NRXN3: variants seen among roughly 807,000 people sequenced by gnomAD.
NRXN3 encodes neurexin III.
In NRXN3, 32 loss-of-function variants were observed where a neutral mutation model predicts 137.6. That is an observed-to-expected ratio of 0.23 (90% CI 0.18 to 0.31). NRXN3 has a LOEUF of 0.31. Ranked by LOEUF, NRXN3 falls within the 10% of genes least tolerant of loss-of-function variation. The pLI, the probability that NRXN3 is intolerant of heterozygous loss-of-function variation, is 1.00. For synonymous variants in NRXN3, 798 were observed against 784.5 expected (o/e 1.02, Z -0.29); for missense variants, 1,574 against 2,062.5 (o/e 0.76, Z 4.59).
chr14:79,739,361 C>T (rs888166340), intron 19 of NRXN3, among the ~76,000 whole-genome samples: 15 of 151,940 alleles, frequency 9.9e-5, no homozygotes, highest in African/African-American at 3.6e-4. Context: ...GAACCCAGCC[C>T]TCACTGGGCA....
chr14:78,246,336 G>GT (rs903481771), intron 2 of NRXN3, among the ~76,000 whole-genome samples: 1 of 151,924 alleles, frequency 6.6e-6, no homozygotes, highest in Non-Finnish European at 1.5e-5. Flanking sequence ...TGTGCCATTG[G>GT]TTTTTTAATA....
chr14:79,188,281 T>G (rs763656969), intron 15 of NRXN3, among the ~76,000 whole-genome samples: 3 of 152,148 alleles, frequency 2.0e-5, no homozygotes, highest in Non-Finnish European at 2.9e-5. Flanking sequence ...TAAGAAGTAT[T>G]TCCAAGTCTC....
intron 3 of NRXN3, among the ~76,000 whole-genome samples, chr14:78,281,473 G>T (rs1349961989): frequency 1.3e-5 from 2 of 152,174 alleles, no homozygotes; most frequent in Admixed American, 1.3e-4. Context: ...CTGAGATGGG[G>T]CCTGGTGGGC....
At position 78,325,740 on chromosome 14, in the gene NRXN3, G is replaced by A. The variant is rs138372844; in HGVS notation, c.757+27880G>A. 2.2e-3 allele frequency among the ~76,000 whole-genome samples: 337 copies of A among 152,192 alleles called. 3 individuals carry two copies. Among genetic ancestry groups the A allele is most frequent in the Admixed American group, 7.6e-3 (116 of 15,276 alleles). On this transcript the variant is annotated intron_variant, in intron 4 of 20. Transcript: ENST00000335750. ...CTCTGCTATAGCTGACCTTGAATGA[G>A]TTGTTTCATCTCTCTGCCCCTGTTT...
chr14:78,748,416 G>A (rs1362074637), intron 8 of NRXN3, among the ~76,000 whole-genome samples: 1 of 152,204 alleles, frequency 6.6e-6, no homozygotes, highest in Non-Finnish European at 1.5e-5. Flanking sequence ...GAGAATGAGA[G>A]CCAGCGGATG....
intron 16 of NRXN3, among the ~76,000 whole-genome samples, chr14:79,628,019 A>T (rs1481806207): frequency 6.6e-6 from 1 of 151,750 alleles, no homozygotes; most frequent in African/African-American, 2.4e-5. Context: ...AGATTAAAAT[A>T]AAAAAAGGTT....
intron 10 of NRXN3, among the ~76,000 whole-genome samples, chr14:78,844,334 T>C (rs1442860436): frequency 6.6e-6 from 1 of 152,162 alleles, no homozygotes; most frequent in Non-Finnish European, 1.5e-5. Flanking sequence ...AAGGTAATAG[T>C]CACTCTTTTG....
chr14:79,460,184 G>A (rs900300018), intron 15 of NRXN3, among the ~76,000 whole-genome samples: 7 of 152,044 alleles, frequency 4.6e-5, no homozygotes, highest in Non-Finnish European at 1.0e-4. Flanking sequence ...CACAGCAATG[G>A]AACATCGCAA....
intron 15 of NRXN3, among the ~76,000 whole-genome samples, chr14:79,023,851 C>A (rs1343915780): frequency 6.6e-6 from 1 of 152,042 alleles, no homozygotes; most frequent in Non-Finnish European, 1.5e-5. Flanking sequence ...AACTACAATT[C>A]AAAATGAGAT....
intron 15 of NRXN3, among the ~76,000 whole-genome samples, chr14:79,315,969 T>C (rs952451462): frequency 6.6e-6 from 1 of 152,180 alleles, no homozygotes; most frequent in Non-Finnish European, 1.5e-5. Flanking sequence ...TGATGTCACA[T>C]GTAAATAGCA....
At chr14:78,668,215 C>G (rs1387833474) in intron 6 of NRXN3, among the ~76,000 whole-genome samples, 1 of 152,154 alleles carries the variant, frequency 6.6e-6, no homozygotes, top group Non-Finnish European at 1.5e-5. Flanking sequence ...TCACCAGTGT[C>G]CCATTGAGGT....
At chr14:79,031,396 G>A (rs2099608029) in intron 15 of NRXN3, among the ~76,000 whole-genome samples, 1 of 152,074 alleles carries the variant, frequency 6.6e-6, no homozygotes, top group South Asian at 2.1e-4. Context: ...AAAGCTATGA[G>A]AAATAAAATC....
At chr14:78,335,659 TC>T (rs2081376162) in intron 4 of NRXN3, among the ~76,000 whole-genome samples, 2 of 152,332 alleles carry the variant, frequency 1.3e-5, no homozygotes, top group South Asian at 4.1e-4. Context: ...GTGGCCTGAT[TC>T]CTTCCTCCCA....
rs5809948 is a variant in NRXN3, at chr14:79,634,022, T to A, written c.3445-29756T>A. ...AACCAAAACCACTTAAAAAAAAAAA[T>A]CTTAGGCTGTCCCTACAACTTTTGC... On this transcript the variant is annotated intron_variant, in intron 16 of 20. Transcript: ENST00000335750. Among the ~76,000 whole-genome samples, 51 of 83,816 alleles carry A rather than the reference T, an allele frequency of 6.1e-4. 1 individual carries two copies. The Middle Eastern group carries it at 0.04, about 66-fold the overall frequency. The allele number at this position is 83,816 out of a possible 152,430, so 55.0% of individuals were successfully genotyped here.
At chr14:79,504,655 G>GTGTATATATATATATATATATATA (rs1555491976) in intron 16 of NRXN3, among the ~76,000 whole-genome samples, 1 of 104,220 alleles carries the variant, frequency 9.6e-6, no homozygotes, top group African/African-American at 3.4e-5. Flanking sequence ...ATATATATAT[G>GTGTATATATATATATATATATATA]TATATATATA....
intron 19 of NRXN3, among the ~76,000 whole-genome samples, chr14:79,752,341 A>T (rs1043902625): frequency 1.3e-5 from 2 of 152,114 alleles, no homozygotes; most frequent in Admixed American, 1.3e-4. Flanking sequence ...CAGTAACCAA[A>T]ACAGCATGGT....
intron 15 of NRXN3, among the ~76,000 whole-genome samples, chr14:79,188,977 G>C (rs923525554): frequency 5.3e-5 from 8 of 152,110 alleles, no homozygotes; most frequent in African/African-American, 1.4e-4. Flanking sequence ...AAGTCAGTGT[G>C]GCGATTCTTC....
chr14:78,621,692 C>T (rs1470687763), intron 4 of NRXN3, among the ~76,000 whole-genome samples: 1 of 152,172 alleles, frequency 6.6e-6, no homozygotes, highest in African/African-American at 2.4e-5. Flanking sequence ...TACATAAGTA[C>T]TGTCGTCCTT....
At chr14:78,293,968 A>G (rs1357541283) in intron 3 of NRXN3, among the ~76,000 whole-genome samples, 3 of 152,234 alleles carry the variant, frequency 2.0e-5, no homozygotes, top group Admixed American at 6.5e-5. Flanking sequence ...CTGGTAGCCC[A>G]TGCTGCTACC....
Sources: gnomAD v4.1 joint callset for allele counts (sites outside exome capture counted in the v4.1 genomes callset) on GRCh38, gnomAD v4.1.1 for gene constraint, MANE v1.5 for transcripts, NCBI Gene and HGNC (gene_info 2026-07-23, HGNC 2026-07-21) for gene names.